PBX1: variants seen among roughly 807,000 people sequenced by gnomAD.
PBX1 encodes the protein PBX homeobox 1.
Under a neutral mutation model 53.4 loss-of-function variants are expected in PBX1, and 6 were observed. The observed-to-expected ratio is 0.11, with a 90% CI of 0.06 to 0.22. The LOEUF (loss-of-function observed/expected upper bound fraction) is 0.22. Among genes scored for constraint, PBX1 ranks in the 10% least tolerant of loss-of-function variants. The pLI is 1.00. For missense variants in PBX1, 251 were observed against 551.4 expected (o/e 0.46, Z 5.46); for synonymous variants, 204 against 212.3 (o/e 0.96, Z 0.34).
chr1:164,576,559 C>T (rs887711963), intron 2 of PBX1, among the ~76,000 whole-genome samples: 1 of 152,224 alleles, frequency 6.6e-6, no homozygotes, highest in Non-Finnish European at 1.5e-5. Context: ...AGCCAAGTGT[C>T]CCCCAAGCGG....
chr1:164,724,847 G>T (rs1260833238), intron 2 of PBX1, among the ~76,000 whole-genome samples: 2 of 151,798 alleles, frequency 1.3e-5, no homozygotes, highest in Admixed American at 6.6e-5. Flanking sequence ...ATTCATCTTT[G>T]TTGCCTCTCC....
chr1:164,691,164 A>AG (rs1662457645), intron 2 of PBX1, among the ~76,000 whole-genome samples: 1 of 151,566 alleles, frequency 6.6e-6, no homozygotes, highest in African/African-American at 2.4e-5. Context: ...ACAGGCATGC[A>AG]CCACCATGCC....
At chr1:164,671,374 C>T (rs897678700) in intron 2 of PBX1, among the ~76,000 whole-genome samples, 3 of 152,020 alleles carry the variant, frequency 2.0e-5, no homozygotes, top group South Asian at 2.1e-4. Flanking sequence ...TCTGATTAGC[C>T]GTGTGAGGTG....
intron 2 of PBX1, among the ~76,000 whole-genome samples, chr1:164,736,639 A>G (rs1373990266): frequency 6.6e-6 from 1 of 152,232 alleles, no homozygotes; most frequent in Non-Finnish European, 1.5e-5. Context: ...AAGTCAGGAA[A>G]TGCACCAAAA....
chr1:164,660,208 G>A (rs1226008687), intron 2 of PBX1, among the ~76,000 whole-genome samples: 1 of 152,206 alleles, frequency 6.6e-6, no homozygotes, highest in African/African-American at 2.4e-5. Flanking sequence ...TAAGCAAACT[G>A]GAGAAGGATT....
chr1:164,773,780 G>C (rs1439193458), intron 2 of PBX1, among the ~76,000 whole-genome samples: 2 of 152,162 alleles, frequency 1.3e-5, no homozygotes, highest in African/African-American at 2.4e-5. Context: ...GTACTGGAAA[G>C]GATTGGGTGT....
intron 2 of PBX1, chr1:164,640,993 A>G (rs767311356): frequency 2.0e-5 from 3 of 152,766 alleles, no homozygotes; most frequent in Admixed American, 1.3e-4. Flanking sequence ...TCTCCAGGAT[A>G]CTATCATCCT....
intron 2 of PBX1, among the ~76,000 whole-genome samples, chr1:164,748,162 G>A (rs962559513): frequency 6.6e-6 from 1 of 152,176 alleles, no homozygotes; most frequent in African/African-American, 2.4e-5. Flanking sequence ...AACTAATAGT[G>A]TATGTCAAAT....
Position 164,839,687 on chromosome 1 carries a change from A to G in PBX1, c.1201-6897A>G, listed in dbSNP as rs548782390. ...CTCACTTTGACAATGAAAAATTATTATTTCTTTGCAGCAGCGTAAACTACA... is the reference window on the plus strand; with the variant it reads ...CTCACTTTGACAATGAAAAATTATTGTTTCTTTGCAGCAGCGTAAACTACA... On this transcript the variant is annotated intron_variant, in intron 8 of 8. Transcript: ENST00000420696. 3.3e-5 allele frequency among the ~76,000 whole-genome samples: 5 copies of G among 152,300 alleles called. No individual in the cohort carries two copies. In the South Asian group the frequency reaches 1.0e-3, roughly 32 times the overall value.
intron 2 of PBX1, among the ~76,000 whole-genome samples, chr1:164,629,121 G>A (rs1023890139): frequency 6.6e-6 from 1 of 151,882 alleles, no homozygotes; most frequent in Non-Finnish European, 1.5e-5. Context: ...TTTTTTGCTC[G>A]AGGCTCTGTT....
chr1:164,860,577 C>T (rs191742424), intron 2 of PBX1, among the ~76,000 whole-genome samples: 44 of 152,206 alleles, frequency 2.9e-4, no homozygotes, highest in Admixed American at 1.4e-3. Flanking sequence ...AGAATGATGG[C>T]CCCTAACACA....
At chr1:164,882,180 A>G (rs1406259411) in intron 2 of PBX1, among the ~76,000 whole-genome samples, 1 of 151,988 alleles carries the variant, frequency 6.6e-6, no homozygotes, top group Admixed American at 6.6e-5. Context: ...TCAAAATCAC[A>G]CAGATGATCA....
chr1:164,679,924 C>T (rs1661654343), intron 2 of PBX1, among the ~76,000 whole-genome samples: 1 of 4,992 alleles, frequency 2.0e-4, no homozygotes, highest in African/African-American at 4.1e-4. Flanking sequence ...CAAACTCCTG[C>T]TGGTTTTTTT....
At chr1:164,560,095 C>T in intron 1 of PBX1, 82 bp downstream of exon 1, 1 of 1,009,350 alleles carries the variant, frequency 9.9e-7, no homozygotes, top group Non-Finnish European at 1.4e-6. Flanking sequence ...GGAACCGAAT[C>T]ACCACAGCGC....
intron 2 of PBX1, among the ~76,000 whole-genome samples, chr1:164,610,360 G>A (rs1180090520): frequency 3.9e-5 from 6 of 152,076 alleles, no homozygotes; most frequent in African/African-American, 1.2e-4. Context: ...TGGTGAACTT[G>A]GGCCACGGGG....
chr1:164,621,030 C>A (rs1476347167), intron 2 of PBX1, among the ~76,000 whole-genome samples: 1 of 151,938 alleles, frequency 6.6e-6, no homozygotes, highest in Non-Finnish European at 1.5e-5. Context: ...TGCTCTGTTG[C>A]CAAGCTGGAG....
intron 2 of PBX1, among the ~76,000 whole-genome samples, chr1:164,635,016 G>C (rs1658659481): frequency 7.3e-6 from 1 of 137,812 alleles, no homozygotes; most frequent in African/African-American, 2.7e-5. Flanking sequence ...CGAATATTCT[G>C]TACCTTCTTT....
chr1:164,587,153 T>G (rs1655005368), intron 2 of PBX1, among the ~76,000 whole-genome samples: 1 of 152,232 alleles, frequency 6.6e-6, no homozygotes, highest in African/African-American at 2.4e-5. Flanking sequence ...CTACAACTAC[T>G]GCTGTATCTT....
At chr1:164,741,737 T>TGA (rs1379282579) in intron 2 of PBX1, among the ~76,000 whole-genome samples, 22 of 120,644 alleles carry the variant, frequency 1.8e-4, no homozygotes, top group African/African-American at 6.2e-4. Context: ...CATGTATGAG[T>TGA]GAGTGTGTGT....
Sources: gnomAD v4.1 joint callset for allele counts (sites outside exome capture counted in the v4.1 genomes callset) on GRCh38, gnomAD v4.1.1 for gene constraint, MANE v1.5 for transcripts, NCBI Gene and HGNC (gene_info 2026-07-23, HGNC 2026-07-21) for gene names.